The following PARP12 variants were observed in gnomAD, a reference collection of about 807,000 sequenced individuals.
PARP12 encodes poly(ADP-ribose) polymerase family member 12.
A neutral mutation model predicts 72.4 loss-of-function variants in PARP12; 59 were observed. The observed-to-expected ratio is 0.81, with a 90% CI of 0.66 to 1.01. The LOEUF (loss-of-function observed/expected upper bound fraction) is 1.01, where lower values mean the gene tolerates loss of function less well. Ranked by LOEUF, PARP12 falls within the 50% of genes least tolerant of loss-of-function variation. The probability of loss-of-function intolerance (pLI) is 0.00; values close to 1 mark genes in which losing one functional copy is unlikely to be tolerated. For synonymous variants in PARP12, 403 were observed against 371.4 expected (o/e 1.09, Z -0.98); for missense variants, 851 against 914.0 (o/e 0.93, Z 0.89).
rs1816329894 is a variant in PARP12 at position 140,038,847 on chromosome 7, C to T, written c.1183-991G>A. ...AAGAGTCACCCATGCCTCTGCGCAACTGAGTCCAGCAATGGAGAAGGGGAA... is the reference window on the plus strand; with the variant it reads ...AAGAGTCACCCATGCCTCTGCGCAATTGAGTCCAGCAATGGAGAAGGGGAA... On this transcript the variant is annotated intron_variant, in intron 6 of 11. Coordinates refer to ENST00000263549, the MANE Select transcript of PARP12 (RefSeq NM_022750.4). Among the ~76,000 whole-genome samples, 4 of 152,180 alleles carry T rather than the reference C, an allele frequency of 2.6e-5. No homozygotes were observed. The South Asian group carries it at 8.3e-4, about 31-fold the overall frequency.
At chr7:140,046,797 A>T in intron 5 of PARP12, 87 bp downstream of exon 5, 1 of 907,238 alleles carries the variant, frequency 1.1e-6, no homozygotes, top group Non-Finnish European at 1.5e-6. Flanking sequence ...TAGGCTGCTC[A>T]CAGTGTGTGT....
chr7:140,047,314 T>C (rs1816771585), intron 4 of PARP12, among the ~76,000 whole-genome samples: 1 of 152,106 alleles, frequency 6.6e-6, no homozygotes, highest in African/African-American at 2.4e-5. Flanking sequence ...GATAAATGGA[T>C]TAATGGGTGT....
intron 8 of PARP12, 82 bp downstream of exon 8, chr7:140,034,153 C>A: frequency 1.1e-5 from 17 of 1,533,024 alleles, no homozygotes; most frequent in Non-Finnish European, 1.3e-5. Flanking sequence ...CGGGTGCTGT[C>A]TGAGGCAGGT....
Position 140,057,039 on chromosome 7 carries a change from T to C in PARP12, c.577A>G (p.Thr193Ala), listed in dbSNP as rs764932735. ...YFLQGECKFG[T>A]SCKRSHDFSN... ...AAATCATGGGATCTCTTACAGCTAG[T>C]GCCAAACTTGCATTCCCCCTGTAAA... The change falls in exon 3 of 12, where the codon ACT (threonine) becomes GCT (alanine). Residue 193 changes from threonine to alanine, a missense_variant. By Grantham distance (58) the Thr-to-Ala change is moderately conservative. Transcript: ENST00000263549. The C allele has an allele frequency of 3.7e-6, 6 of 1,614,238 alleles. No homozygotes were observed. The highest frequency in any genetic ancestry group is 3.3e-4 in the Middle Eastern group (2 of 6,062).
intron 6 of PARP12, among the ~76,000 whole-genome samples, chr7:140,039,966 G>A (rs1816390877): frequency 6.6e-6 from 1 of 152,224 alleles, no homozygotes; most frequent in Non-Finnish European, 1.5e-5. Flanking sequence ...GGTGTTGGCT[G>A]ACTGGAGGAG....
At chr7:140,057,295 C>T (rs1025557772) in intron 2 of PARP12, 142 bp from the exon 3 acceptor site, 10 of 809,964 alleles carry the variant, frequency 1.2e-5, no homozygotes, top group Non-Finnish European at 2.0e-5. Flanking sequence ...TTACATCCCT[C>T]ACTCTAGATG....
At position 140,030,577 on chromosome 7, in the gene PARP12, G is replaced by A. The variant is rs1250985635; in HGVS notation, c.1422-1889C>T. 7.2e-5 allele frequency among the ~76,000 whole-genome samples: 11 copies of A among 152,296 alleles called. 1 individual carries two copies. The South Asian group carries it at 1.7e-3, about 23-fold the overall frequency. On this transcript the variant is annotated intron_variant, in intron 8 of 11. Transcript: ENST00000263549. ...CATGCCACTGCACTCTGGCCTGGGC[G>A]ACAGTGCGACTCCATCTCAAAATAC...
At chr7:140,061,253 C>G (rs1817430777) in intron 1 of PARP12, among the ~76,000 whole-genome samples, 1 of 152,170 alleles carries the variant, frequency 6.6e-6, no homozygotes, top group Non-Finnish European at 1.5e-5. Flanking sequence ...CCCACAAAAA[C>G]CTCCCATGCA....
chr7:140,040,871 CTCAT>C (rs1426306640), intron 6 of PARP12, among the ~76,000 whole-genome samples: 2 of 152,182 alleles, frequency 1.3e-5, no homozygotes, highest in East Asian at 1.9e-4. Flanking sequence ...TCAAGTGATT[CTCAT>C]TCATACCTCA....
chr7:140,034,370 C>T, intron 7 of PARP12, 39 bp from the exon 8 acceptor site: 4 of 1,475,116 alleles, frequency 2.7e-6, no homozygotes, highest in Non-Finnish European at 3.7e-6. Flanking sequence ...TATACATATA[C>T]ATATACATAC....
chr7:140,045,908 C>T (rs1356450457), intron 5 of PARP12, among the ~76,000 whole-genome samples: 1 of 152,162 alleles, frequency 6.6e-6, no homozygotes, highest in Non-Finnish European at 1.5e-5. Context: ...ACAGTACATA[C>T]CACACGGTTC....
chr7:140,027,244 CA>C, intron 10 of PARP12, 31 bp downstream of exon 10: 1 of 1,606,334 alleles, frequency 6.2e-7, no homozygotes, highest in Non-Finnish European at 8.5e-7. Flanking sequence ...GGGACAGAGT[CA>C]CCAGCCCACC....
intron 5 of PARP12, among the ~76,000 whole-genome samples, chr7:140,045,917 T>G (rs1325147068): frequency 6.6e-6 from 1 of 152,194 alleles, no homozygotes; most frequent in Non-Finnish European, 1.5e-5. Context: ...ACCACACGGT[T>G]CTATTTATAT....
In PARP12 at chr7:140,037,683, G is replaced by C. The variant is rs769121023; in HGVS notation, c.1324+32C>G. The C allele has an allele frequency of 1.9e-6, 3 of 1,608,870 alleles. No individual in the cohort carries two copies. The African/African-American group carries it at 4.0e-5, about 21-fold the overall frequency. ...GTAGGGACAGAGCCAACACAGGCAG[G>C]CTCTGCTGGGCGAGGGCAGGGCACA... On this transcript the variant is annotated intron_variant, in intron 7 of 11. Coordinates refer to ENST00000263549, the MANE Select transcript of PARP12 (RefSeq NM_022750.4).
At chr7:140,039,435 A>G (rs1816363781) in intron 6 of PARP12, among the ~76,000 whole-genome samples, 3 of 152,076 alleles carry the variant, frequency 2.0e-5, no homozygotes, top group Non-Finnish European at 4.4e-5. Flanking sequence ...AAAAGCAAAG[A>G]GTTTTTTTGC....
chr7:140,037,676 C>A (rs748868049), intron 7 of PARP12, 39 bp downstream of exon 7: 3 of 1,607,192 alleles, frequency 1.9e-6, no homozygotes, highest in East Asian at 2.2e-5. Flanking sequence ...AGAGCCAACA[C>A]AGGCAGGCTC....
At chr7:140,045,821 C>G (rs1464831761) in intron 5 of PARP12, among the ~76,000 whole-genome samples, 1 of 152,230 alleles carries the variant, frequency 6.6e-6, no homozygotes, top group Non-Finnish European at 1.5e-5. Context: ...ACCTGTGCTT[C>G]CTCTGCCGGG....
chr7:140,031,529 T>A (rs968246898), intron 8 of PARP12, among the ~76,000 whole-genome samples: 3 of 152,220 alleles, frequency 2.0e-5, no homozygotes, highest in African/African-American at 7.2e-5. Flanking sequence ...CAATTGGCCA[T>A]GCAGGCCCAG....
chr7:140,033,170 G>T, intron 8 of PARP12: 1 of 984,224 alleles, frequency 1.0e-6, no homozygotes, highest in Non-Finnish European at 1.2e-6. Context: ...TGGGATTACA[G>T]GTGTGAGTCA....
Sources: gnomAD v4.1 joint callset for allele counts (sites outside exome capture counted in the v4.1 genomes callset) on GRCh38, gnomAD v4.1.1 for gene constraint, MANE v1.5 for transcripts, NCBI Gene and HGNC (gene_info 2026-07-23, HGNC 2026-07-21) for gene names.